Variants in SRRM1 observed in about 807,000 individuals in gnomAD.
The protein encoded by SRRM1 is serine and arginine repetitive matrix 1.
Under a neutral mutation model 110.2 loss-of-function variants are expected in SRRM1, and 19 were observed. The observed-to-expected ratio is 0.17, with a 90% CI of 0.12 to 0.25. The LOEUF is 0.25. SRRM1 is among the 10% of genes least tolerant of loss of function. The pLI is 1.00. For missense variants in SRRM1, 918 were observed against 1,145.8 expected, an observed-to-expected ratio of 0.80 and a Z score of 2.87; for synonymous variants, 443 against 414.9, an observed-to-expected ratio of 1.07 and a Z score of -0.82.
intron 9 of SRRM1, among the ~76,000 whole-genome samples, chr1:24,655,459 T>C (rs1439540042): frequency 6.6e-6 from 1 of 152,204 alleles, no homozygotes; most frequent in Non-Finnish European, 1.5e-5. Context: ...TGAGACCAGT[T>C]AACTTTTTTT....
Position 24,669,228 on chromosome 1 carries a change from T to G in SRRM1, c.1845T>G (p.Ala615=). 1 of 1,613,974 alleles carries G rather than the reference T, an allele frequency of 6.2e-7. No homozygotes were observed. The highest frequency in any genetic ancestry group is 8.5e-7 in the Non-Finnish European group (1 of 1,179,986). The change falls in exon 14 of 17, where the codon GCT becomes GCG. Residue 615 remains alanine, a synonymous_variant. Coordinates refer to ENST00000323848, the MANE Select transcript of SRRM1 (RefSeq NM_005839.4). ...SPSPPPKRRT[A]SPPPPPKRRA... ...CTCCACCTCCAAAGAGAAGAACGGCTTCACCTCCTCCCCCTCCTAAACGAA... is the reference window on the plus strand; with the variant it reads ...CTCCACCTCCAAAGAGAAGAACGGCGTCACCTCCTCCCCCTCCTAAACGAA...
chr1:24,650,586 A>G (rs1660078669), intron 5 of SRRM1: 1 of 152,234 alleles, frequency 6.6e-6, no homozygotes, highest in Non-Finnish European at 1.5e-5. Flanking sequence ...TTAGGTTCAC[A>G]TTTTTAAATC....
At chr1:24,663,833 C>T (rs895805691) in intron 12 of SRRM1, among the ~76,000 whole-genome samples, 3 of 150,520 alleles carry the variant, frequency 2.0e-5, no homozygotes, top group South Asian at 2.1e-4. Flanking sequence ...GCTGAGATCA[C>T]GCCACTGTAC....
At chr1:24,645,910 A>G in intron 1 of SRRM1, 74 bp from the exon 2 acceptor site, 1 of 1,231,246 alleles carries the variant, frequency 8.1e-7, no homozygotes, top group Admixed American at 2.0e-5. Context: ...TATTTTGGCT[A>G]TAAAGGTCGT....
At chr1:24,656,555 C>T (rs546005481) in intron 9 of SRRM1, among the ~76,000 whole-genome samples, 1 of 152,282 alleles carries the variant, frequency 6.6e-6, no homozygotes, top group African/African-American at 2.4e-5. Flanking sequence ...AAATTTCAGT[C>T]CATTTTCAGT....
chr1:24,652,070 A>ATATATG (rs1661264404), intron 6 of SRRM1, among the ~76,000 whole-genome samples: 1 of 140,698 alleles, frequency 7.1e-6, no homozygotes, highest in Non-Finnish European at 1.5e-5. Flanking sequence ...ATATGTACAC[A>ATATATG]CACACACACA....
intron 12 of SRRM1, among the ~76,000 whole-genome samples, chr1:24,663,524 G>C (rs545968700): frequency 6.6e-6 from 1 of 152,252 alleles, no homozygotes; most frequent in South Asian, 2.1e-4. Flanking sequence ...ATTTTTAACA[G>C]TATCTGGATA....
intron 9 of SRRM1, among the ~76,000 whole-genome samples, chr1:24,658,155 A>G (rs1424050220): frequency 6.6e-6 from 1 of 152,104 alleles, no homozygotes; most frequent in Non-Finnish European, 1.5e-5. Flanking sequence ...CTGTGATTCA[A>G]TTGTATTAAA....
intron 4 of SRRM1, 137 bp downstream of exon 4, chr1:24,649,166 G>T: frequency 1.5e-6 from 1 of 676,284 alleles, no homozygotes; most frequent in South Asian, 2.3e-5. Flanking sequence ...ATTCAGTTTT[G>T]GTTCACTGCT....
intron 15 of SRRM1, among the ~76,000 whole-genome samples, chr1:24,670,732 C>T (rs1672303391): frequency 6.6e-6 from 1 of 152,192 alleles, no homozygotes; most frequent in African/African-American, 2.4e-5. Flanking sequence ...TCCTAGCCTC[C>T]AGTGATCCTC....
At chr1:24,663,207 A>G (rs1312226554) in intron 12 of SRRM1, 2 of 1,515,494 alleles carry the variant, frequency 1.3e-6, no homozygotes, top group Admixed American at 2.0e-5. Context: ...AGCGATGGCA[A>G]TCGCCAGTGA....
At chr1:24,667,714 A>T (rs976199314) in intron 13 of SRRM1, among the ~76,000 whole-genome samples, 1 of 152,164 alleles carries the variant, frequency 6.6e-6, no homozygotes, top group Admixed American at 6.5e-5. Flanking sequence ...AAGTCCTGGA[A>T]CAGAAAAGGG....
At position 24,669,428 on chromosome 1, in the gene SRRM1, A is replaced by G; in HGVS notation, c.2045A>G (p.His682Arg). 6.2e-7 allele frequency: 1 copy of G among 1,614,152 alleles called. No homozygotes were observed. The highest frequency in any genetic ancestry group is 8.5e-7 in the Non-Finnish European group (1 of 1,180,030). ...EARSPQPNKR[H>R]SPSPRPRAPQ... ...CGATCACCACAACCAAACAAACGGC[A>G]TTCGCCCTCACCACGGCCTCGAGCT... is the stretch of plus-strand genomic sequence containing the variant. Residue 682 changes from histidine to arginine, a missense_variant, in exon 14 of 17, where the codon CAT (histidine) becomes CGT (arginine). Transcript: ENST00000323848.
Position 24,671,488 on chromosome 1 carries a change from A to G in SRRM1, c.2503A>G (p.Lys835Glu). The G allele has an allele frequency of 6.2e-7, 1 of 1,613,372 alleles. No homozygotes were observed. Among genetic ancestry groups the G allele is most frequent in the Non-Finnish European group, 8.5e-7 (1 of 1,179,708 alleles). The change falls in exon 16 of 17, where the codon AAG becomes GAG. Residue 835 changes from lysine to glutamate, a missense_variant. This residue lies in a region of SRRM1 where 62 missense variants were observed against 127.6 expected (regional missense o/e 0.49). Coordinates refer to ENST00000323848, the MANE Select transcript of SRRM1 (RefSeq NM_005839.4). ...HKKHKKHKKE[K>E]AVAAAAAAAV... is the part of the protein sequence containing the mutation. ...GAAGCACAAAAAACACAAGAAGGAA[A>G]AGGCTGTGGCTGCAGCTGCTGCAGC...
intron 8 of SRRM1, chr1:24,654,246 T>G: frequency 8.0e-7 from 1 of 1,244,594 alleles, no homozygotes; most frequent in Non-Finnish European, 1.1e-6. Flanking sequence ...TACAGATTGT[T>G]TAAGATTCCC....
intron 3 of SRRM1, chr1:24,648,095 CTT>C (rs1658535706): frequency 6.6e-6 from 1 of 152,186 alleles, no homozygotes; most frequent in Admixed American, 6.5e-5. Context: ...AAGGGAACAT[CTT>C]TCTCTACAGG....
intron 13 of SRRM1, 51 bp downstream of exon 13, chr1:24,666,976 CT>C: frequency 1.8e-6 from 2 of 1,101,132 alleles, no homozygotes; most frequent in African/African-American, 3.1e-5. Flanking sequence ...CCCCCCGCCC[CT>C]GATAACATCA....
intron 1 of SRRM1, 79 bp downstream of exon 1, chr1:24,643,426 G>A (rs1654882039): frequency 2.2e-6 from 3 of 1,339,386 alleles, no homozygotes; most frequent in Non-Finnish European, 3.0e-6. Flanking sequence ...GCTTGGCACA[G>A]GGTGGCCAGC....
chr1:24,646,155 T>C (rs922923636), intron 2 of SRRM1, 82 bp downstream of exon 2: 131 of 1,031,568 alleles, frequency 1.3e-4, no homozygotes, highest in Admixed American at 8.6e-4. Context: ...GGAGATGCAT[T>C]GTAACTTGAA....
Sources: gnomAD v4.1 joint callset for allele counts (sites outside exome capture counted in the v4.1 genomes callset) on GRCh38, gnomAD v4.1.1 for gene constraint, gnomAD v4.1.1 regional missense constraint, MANE v1.5 for transcripts, NCBI Gene and HGNC (gene_info 2026-07-23, HGNC 2026-07-21) for gene names.